COL8A1: variants seen among roughly 807,000 people sequenced by gnomAD.
The protein encoded by COL8A1 is collagen type VIII alpha 1 chain.
In COL8A1, 21 loss-of-function variants were observed where a neutral mutation model predicts 42.7. The ratio of observed to expected loss-of-function variants is 0.49; its 90% CI spans 0.35 to 0.71. The LOEUF is 0.71. COL8A1 is among the 30% of genes least tolerant of loss of function. COL8A1 has a pLI of 0.01. For synonymous variants in COL8A1, 367 were observed against 369.1 expected (o/e 0.99, Z 0.06); for missense variants, 788 against 962.4 (o/e 0.82, Z 2.40).
At chr3:99,651,099 G>A (rs1173270715) in intron 1 of COL8A1, among the ~76,000 whole-genome samples, 2 of 151,868 alleles carry the variant, frequency 1.3e-5, no homozygotes, top group Admixed American at 6.6e-5. Flanking sequence ...TATTTTAGTG[G>A]CTTAAAATCC....
In COL8A1 at chr3:99,797,740, G is replaced by A. The variant is rs991105281; in HGVS notation, c.*1604G>A. 3 of 152,230 alleles carry A rather than the reference G, an allele frequency of 2.0e-5. No individual in the cohort carries two copies. Among genetic ancestry groups the A allele is most frequent in the Non-Finnish European group, 4.4e-5 (3 of 68,036 alleles). 9.4% of individuals were successfully genotyped at this position (152,230 alleles called of 1,614,324 possible). ...TAGGAAAAGAACTGTTTCCTTAGAA[G>A]CGGACTGTGGAAGGGCTATGTAGAA... On this transcript the variant is annotated 3_prime_UTR_variant, in exon 4 of 4. Coordinates refer to ENST00000652472, the MANE Select transcript of COL8A1 (RefSeq NM_020351.4).
At chr3:99,765,641 C>A (rs1941450350) in intron 2 of COL8A1, among the ~76,000 whole-genome samples, 1 of 152,178 alleles carries the variant, frequency 6.6e-6, no homozygotes, top group South Asian at 2.1e-4. Context: ...TAGTTTACAT[C>A]ATTAGGATGT....
At chr3:99,649,805 A>G (rs143799114) in intron 1 of COL8A1, among the ~76,000 whole-genome samples, 1 of 151,926 alleles carries the variant, frequency 6.6e-6, no homozygotes, top group Non-Finnish European at 1.5e-5. Context: ...ACACACACAC[A>G]TACACATACA....
intron 1 of COL8A1, among the ~76,000 whole-genome samples, chr3:99,657,963 C>G (rs1004753978): frequency 5.3e-5 from 8 of 151,962 alleles, no homozygotes; most frequent in African/African-American, 1.9e-4. Flanking sequence ...CACGTCTCTA[C>G]TAAAAATACA....
intron 2 of COL8A1, among the ~76,000 whole-genome samples, chr3:99,775,260 G>C (rs1941673291): frequency 6.6e-6 from 1 of 152,180 alleles, no homozygotes; most frequent in Non-Finnish European, 1.5e-5. Flanking sequence ...GCACCAGGCT[G>C]TCTGGTGCTC....
At chr3:99,657,199 G>C (rs1017944696) in intron 1 of COL8A1, among the ~76,000 whole-genome samples, 2 of 152,168 alleles carry the variant, frequency 1.3e-5, no homozygotes, top group African/African-American at 2.4e-5. Flanking sequence ...ATTTCCTACA[G>C]TAAAATTGAT....
intron 1 of COL8A1, among the ~76,000 whole-genome samples, chr3:99,703,801 T>G (rs1939608016): frequency 6.6e-6 from 1 of 152,228 alleles, no homozygotes; most frequent in Non-Finnish European, 1.5e-5. Flanking sequence ...ATCTCTCTGT[T>G]GATATTACCC....
intron 1 of COL8A1, 58 bp downstream of exon 1, chr3:99,638,722 T>A (rs930021120): frequency 6.6e-6 from 1 of 152,154 alleles, no homozygotes; most frequent in African/African-American, 2.4e-5. Context: ...GGGGAATAAG[T>A]CACCCTCTGG....
intron 1 of COL8A1, among the ~76,000 whole-genome samples, chr3:99,725,302 T>C (rs2107374874): frequency 6.6e-6 from 1 of 152,214 alleles, no homozygotes; most frequent in South Asian, 2.1e-4. Flanking sequence ...TTAGCTTCTT[T>C]TAAACGTCTG....
rs1488401423 is a variant in COL8A1 at position 99,733,119 on chromosome 3, T to C, written c.-128-11778T>C. ...TACAGCCTCTCTCCCAGCTTTTTTC[T>C]TTTTTTTTTTTTTTTAAACTTTCTT... On this transcript the variant is annotated intron_variant, in intron 1 of 3. Transcript: ENST00000652472. 3.1e-3 allele frequency among the ~76,000 whole-genome samples: 266 copies of C among 86,586 alleles called. 2 individuals carry two copies. The highest frequency in any genetic ancestry group is 0.015 in the African/African-American group (260 of 17,180). The allele number at this position is 86,586 out of a possible 152,430, so 56.8% of individuals were successfully genotyped here.
rs1008810724 is a variant in COL8A1 at position 99,797,983 on chromosome 3, A to T, written c.*1847A>T. Reference sequence around the variant, plus strand: ...TGCTGACTCTATCACTTGGAGCAATAATGTGGGGTTATGGTGGTGGAATCT... The same window carrying T: ...TGCTGACTCTATCACTTGGAGCAATTATGTGGGGTTATGGTGGTGGAATCT... On this transcript the variant is annotated 3_prime_UTR_variant, in exon 4 of 4. Transcript: ENST00000652472. The T allele has an allele frequency of 6.6e-6, 1 of 152,212 alleles. No homozygotes were observed. The highest frequency in any genetic ancestry group is 1.5e-5 in the Non-Finnish European group (1 of 68,046). The allele number at this position is 152,212 out of a possible 1,614,324, so 9.4% of individuals were successfully genotyped here. A position where few individuals can be genotyped will look rare whatever the true frequency, so the allele number is the denominator to read the frequency against.
intron 2 of COL8A1, among the ~76,000 whole-genome samples, chr3:99,753,397 G>A (rs1053672669): frequency 6.6e-6 from 1 of 152,196 alleles, no homozygotes; most frequent in Non-Finnish European, 1.5e-5. Context: ...GCCTATGGGT[G>A]AGCCCCAAGG....
Position 99,795,452 on chromosome 3 carries a change from C to T in COL8A1, c.1551C>T (p.Pro517=). 2 of 1,519,738 alleles carry T rather than the reference C, an allele frequency of 1.3e-6. No individual in the cohort carries two copies. The highest frequency in any genetic ancestry group is 4.9e-5 in the East Asian group (2 of 40,678). The allele number at this position is 1,519,738 out of a possible 1,614,324, so 94.1% of individuals were successfully genotyped here. ...TTGGACCACCTGGGATTCCAGGCCCCAAAGGGGAGCCGGGCCTCCCAGGGC... is the reference window on the plus strand; with the variant it reads ...TTGGACCACCTGGGATTCCAGGCCCTAAAGGGGAGCCGGGCCTCCCAGGGC... ...GPIGPPGIPG[P]KGEPGLPGPP... is the part of the protein sequence containing the mutation. Residue 517 remains proline (P), a synonymous_variant, in exon 4 of 4, where the codon CCC becomes CCT. Transcript: ENST00000652472.
chr3:99,682,983 G>C (rs555248809), intron 1 of COL8A1, among the ~76,000 whole-genome samples: 3 of 152,248 alleles, frequency 2.0e-5, no homozygotes, highest in East Asian at 3.9e-4. Flanking sequence ...ATAGAATAGA[G>C]AATCATTATC....
intron 2 of COL8A1, among the ~76,000 whole-genome samples, chr3:99,778,060 A>G (rs1454849296): frequency 6.6e-6 from 1 of 152,212 alleles, no homozygotes; most frequent in African/African-American, 2.4e-5. Context: ...CACAGAGAAA[A>G]GAATTGTGGA....
chr3:99,734,543 G>A (rs1340321640), intron 1 of COL8A1, among the ~76,000 whole-genome samples: 1 of 151,874 alleles, frequency 6.6e-6, no homozygotes, highest in South Asian at 2.1e-4. Context: ...TGCTGTTTTG[G>A]TTACTGTAGC....
intron 2 of COL8A1, among the ~76,000 whole-genome samples, chr3:99,783,220 T>TGTG (rs1181218393): frequency 1.3e-5 from 2 of 152,208 alleles, no homozygotes; most frequent in Non-Finnish European, 2.9e-5. Flanking sequence ...ACCTTTGGAA[T>TGTG]GTGGTGGTTG....
intron 1 of COL8A1, among the ~76,000 whole-genome samples, chr3:99,742,792 T>C (rs951973479): frequency 6.6e-6 from 1 of 152,204 alleles, no homozygotes; most frequent in African/African-American, 2.4e-5. Context: ...CTGAATAAGA[T>C]ACATGACATG....
chr3:99,670,386 T>C (rs1413038557), intron 1 of COL8A1, among the ~76,000 whole-genome samples: 3 of 152,104 alleles, frequency 2.0e-5, no homozygotes, highest in Non-Finnish European at 2.9e-5. Context: ...CATCCTTTGC[T>C]AGGTTGATGA....
Sources: gnomAD v4.1 joint callset for allele counts (sites outside exome capture counted in the v4.1 genomes callset) on GRCh38, gnomAD v4.1.1 for gene constraint, MANE v1.5 for transcripts, NCBI Gene and HGNC (gene_info 2026-07-23, HGNC 2026-07-21) for gene names.